POFUT3: variants seen among roughly 807,000 people sequenced by gnomAD.
The protein encoded by POFUT3 is protein O-fucosyltransferase 3.
At chr8:33,434,958 G>C in the POFUT3 span, among the ~76,000 whole-genome samples, 5 of 152,176 alleles carry the variant, frequency 3.3e-5, no homozygotes, top group African/African-American at 4.8e-5. Flanking sequence ...ACTGGCTCTA[G>C]TTTTCCCAGT....
chr8:33,309,663 C>A, the POFUT3 span, among the ~76,000 whole-genome samples: 1 of 152,238 alleles, frequency 6.6e-6, no homozygotes, highest in South Asian at 2.1e-4. Flanking sequence ...TTCTAGGTAT[C>A]ATCATCAATT....
the POFUT3 span, among the ~76,000 whole-genome samples, chr8:33,334,275 T>A: frequency 6.6e-6 from 1 of 152,074 alleles, no homozygotes; most frequent in Admixed American, 6.5e-5. Flanking sequence ...TTGAGTACAC[T>A]GGCATGATCT....
the POFUT3 span, among the ~76,000 whole-genome samples, chr8:33,322,001 T>G: frequency 4.5e-4 from 69 of 152,244 alleles, 1 homozygote; most frequent in East Asian, 0.012. Context: ...CACCACTGCA[T>G]GCTTAATACC....
the POFUT3 span, among the ~76,000 whole-genome samples, chr8:33,462,020 C>A: frequency 6.7e-6 from 1 of 150,332 alleles, no homozygotes; most frequent in African/African-American, 2.5e-5. Flanking sequence ...ATTAGTTGGG[C>A]GTGGTGGCAC....
At chr8:33,386,975 C>T in the POFUT3 span, among the ~76,000 whole-genome samples, 1 of 152,166 alleles carries the variant, frequency 6.6e-6, no homozygotes, top group African/African-American at 2.4e-5. Flanking sequence ...CTAGCCCAAG[C>T]AAATCATCAC....
At chr8:33,332,774 C>A in the POFUT3 span, among the ~76,000 whole-genome samples, 39 of 152,142 alleles carry the variant, frequency 2.6e-4, no homozygotes, top group African/African-American at 8.2e-4. Context: ...TTAACCATTT[C>A]TCAGCCTTAA....
the POFUT3 span, among the ~76,000 whole-genome samples, chr8:33,454,292 C>T: frequency 0.016 from 2,383 of 152,260 alleles, 74 homozygotes; most frequent in African/African-American, 0.054. Flanking sequence ...CTTTTAGAGC[C>T]ACCACCATTC....
At chr8:33,372,597 C>T in the POFUT3 span, 2 of 1,613,736 alleles carry the variant, frequency 1.2e-6, no homozygotes, top group South Asian at 1.1e-5. Context: ...AATACTAGGC[C>T]CCAAAACTCT....
At chr8:33,385,756 T>G in the POFUT3 span, among the ~76,000 whole-genome samples, 2 of 151,812 alleles carry the variant, frequency 1.3e-5, no homozygotes, top group African/African-American at 4.8e-5. Context: ...TGGTGGCAGG[T>G]GCCTGTAATC....
the POFUT3 span, among the ~76,000 whole-genome samples, chr8:33,373,625 T>G: frequency 6.6e-6 from 1 of 151,522 alleles, no homozygotes; most frequent in Non-Finnish European, 1.5e-5. Context: ...ATGGCCTACA[T>G]GTTCAGGATT....
the POFUT3 span, among the ~76,000 whole-genome samples, chr8:33,332,138 G>GTCTCAGAA: frequency 6.8e-6 from 1 of 146,290 alleles, no homozygotes; most frequent in South Asian, 2.3e-4. Context: ...AAAAGACCTT[G>GTCTCAGAA]TCTCAGAAAA....
At chr8:33,343,590 G>A in the POFUT3 span, among the ~76,000 whole-genome samples, 2 of 152,210 alleles carry the variant, frequency 1.3e-5, no homozygotes, top group Non-Finnish European at 2.9e-5. Flanking sequence ...AAGTAAGAGA[G>A]ATCCAGACCC....
chr8:33,443,631 T>C, the POFUT3 span, among the ~76,000 whole-genome samples: 1 of 152,192 alleles, frequency 6.6e-6, no homozygotes, highest in Admixed American at 6.5e-5. Context: ...TAGCTGGGAC[T>C]ACAGATGCCT....
At chr8:33,324,715 C>T in the POFUT3 span, among the ~76,000 whole-genome samples, 1 of 150,802 alleles carries the variant, frequency 6.6e-6, no homozygotes, top group Non-Finnish European at 1.5e-5. Context: ...ATTATTTGCA[C>T]CCCCCCAACC....
At chr8:33,333,657 G>A in the POFUT3 span, among the ~76,000 whole-genome samples, 2 of 152,212 alleles carry the variant, frequency 1.3e-5, no homozygotes, top group East Asian at 3.9e-4. Context: ...GAGGCAAAAA[G>A]CCCAGGGGAG....
chr8:33,454,313 G>A, the POFUT3 span, among the ~76,000 whole-genome samples: 1 of 152,046 alleles, frequency 6.6e-6, no homozygotes, highest in Non-Finnish European at 1.5e-5. Flanking sequence ...TTGACTCATG[G>A]CCTCCTTCCT....
At chr8:33,397,203 G>C in the POFUT3 span, among the ~76,000 whole-genome samples, 37 of 152,256 alleles carry the variant, frequency 2.4e-4, no homozygotes, top group Non-Finnish European at 3.5e-4. Context: ...TAAGCTTAAA[G>C]CAAATTAAAG....
chr8:33,399,840 G>A, the POFUT3 span, among the ~76,000 whole-genome samples: 5 of 151,794 alleles, frequency 3.3e-5, no homozygotes, highest in African/African-American at 7.3e-5. Context: ...TTTTTGTAGA[G>A]ACGGGGTTTC....
chr8:33,339,110 G>A, the POFUT3 span: 5 of 152,034 alleles, frequency 3.3e-5, no homozygotes, highest in African/African-American at 9.7e-5. Flanking sequence ...GAAATTTACT[G>A]GGAAAAATTT....
Sources: gnomAD v4.1 joint callset for allele counts (sites outside exome capture counted in the v4.1 genomes callset) on GRCh38, gnomAD v4.1.1 for gene constraint, MANE v1.5 for transcripts, NCBI Gene and HGNC (gene_info 2026-07-23, HGNC 2026-07-21) for gene names.